Variants in OLA1 observed in about 807,000 individuals in gnomAD.
OLA1 encodes obg-like ATPase 1.
OLA1 carries 14 observed loss-of-function variants against 48.4 expected under a neutral mutation model. The ratio of observed to expected loss-of-function variants is 0.29; its 90% CI spans 0.19 to 0.45. The LOEUF is 0.45. OLA1 is among the 20% of genes least tolerant of loss of function. The pLI, the probability that OLA1 is intolerant of heterozygous loss-of-function variation, is 1.00. For synonymous variants in OLA1, 127 were observed against 150.4 expected (o/e 0.84, Z 1.14); for missense variants, 325 against 467.1 (o/e 0.70, Z 2.80).
intron 4 of OLA1, among the ~76,000 whole-genome samples, chr2:174,164,888 T>G (rs998988760): frequency 2.0e-5 from 3 of 152,198 alleles, no homozygotes; most frequent in Non-Finnish European, 2.9e-5. Context: ...TTGCAAGACT[T>G]GAACAAAGTC....
At chr2:174,225,815 A>C (rs1688603749) in intron 3 of OLA1, among the ~76,000 whole-genome samples, 1 of 152,144 alleles carries the variant, frequency 6.6e-6, no homozygotes, top group Middle Eastern at 3.2e-3. Flanking sequence ...TGAACAAATT[A>C]TTTCATCTTT....
chr2:174,083,719 C>T (rs1323042247), intron 7 of OLA1, among the ~76,000 whole-genome samples: 1 of 152,074 alleles, frequency 6.6e-6, no homozygotes. Context: ...GGTTTAGTAA[C>T]TTACTTTCAT....
chr2:174,143,227 C>A (rs1372140257), intron 4 of OLA1, among the ~76,000 whole-genome samples: 2 of 152,014 alleles, frequency 1.3e-5, no homozygotes, highest in Non-Finnish European at 2.9e-5. Context: ...TTTTTGCATA[C>A]AAATAATATA....
chr2:174,112,267 C>T (rs543848528), intron 7 of OLA1, among the ~76,000 whole-genome samples: 3 of 152,224 alleles, frequency 2.0e-5, no homozygotes, highest in South Asian at 4.1e-4. Flanking sequence ...AATTGGATGT[C>T]GGCACCACTG....
At chr2:174,236,076 T>C (rs1473746423) in intron 2 of OLA1, among the ~76,000 whole-genome samples, 1 of 151,644 alleles carries the variant, frequency 6.6e-6, no homozygotes, top group Non-Finnish European at 1.5e-5. Flanking sequence ...CATACCGAGG[T>C]CCAACACTCT....
intron 4 of OLA1, among the ~76,000 whole-genome samples, chr2:174,186,455 A>C (rs1687657090): frequency 6.6e-6 from 1 of 152,214 alleles, no homozygotes; most frequent in Admixed American, 6.5e-5. Context: ...GTCAAAATGC[A>C]AGTGCACAGC....
intron 4 of OLA1, among the ~76,000 whole-genome samples, chr2:174,157,811 C>T (rs1225581595): frequency 6.6e-6 from 1 of 152,058 alleles, no homozygotes; most frequent in African/African-American, 2.4e-5. Flanking sequence ...CCACATTACA[C>T]AATAGAGATC....
intron 4 of OLA1, among the ~76,000 whole-genome samples, chr2:174,186,877 T>C (rs1029105320): frequency 6.6e-6 from 1 of 152,112 alleles, no homozygotes; most frequent in Non-Finnish European, 1.5e-5. Context: ...ATGTCCACCA[T>C]ATAAGACATG....
chr2:174,185,783 C>G (rs1321014013), intron 4 of OLA1, among the ~76,000 whole-genome samples: 1 of 152,000 alleles, frequency 6.6e-6, no homozygotes, highest in East Asian at 1.9e-4. Flanking sequence ...CAAAAATTAG[C>G]CAGGTGTGGT....
chr2:174,080,826 T>TCA (rs1461444946), intron 9 of OLA1: 2 of 200,434 alleles, frequency 1.0e-5, no homozygotes, highest in African/African-American at 4.7e-5. Context: ...AACATCAATT[T>TCA]CACTGCAGAC....
chr2:174,247,014 T>G (rs1401671551), intron 1 of OLA1, 199 bp from the exon 2 acceptor site: 7 of 376,216 alleles, frequency 1.9e-5, no homozygotes, highest in Non-Finnish European at 3.4e-5. Flanking sequence ...ACATATCCGT[T>G]GTCAAAAGAG....
chr2:174,182,704 T>TA (rs1369833655), intron 4 of OLA1, among the ~76,000 whole-genome samples: 3 of 152,052 alleles, frequency 2.0e-5, no homozygotes, highest in African/African-American at 4.8e-5. Context: ...TTCTCCCAAA[T>TA]AAAAAAACCC....
chr2:174,095,568 A>G (rs2105349134), intron 7 of OLA1, among the ~76,000 whole-genome samples: 1 of 152,086 alleles, frequency 6.6e-6, no homozygotes, highest in East Asian at 1.9e-4. Flanking sequence ...TGGTTAATTG[A>G]TTTTTGACAA....
At chr2:174,094,855 A>T (rs67712092) in intron 7 of OLA1, among the ~76,000 whole-genome samples, 1 of 152,058 alleles carries the variant, frequency 6.6e-6, no homozygotes, top group East Asian at 1.9e-4. Flanking sequence ...TGTTTTTATG[A>T]GTTTGACTAC....
intron 4 of OLA1, among the ~76,000 whole-genome samples, chr2:174,197,984 AGATGGAGTCTT>A (rs1687915483): frequency 6.6e-6 from 1 of 152,198 alleles, no homozygotes; most frequent in Non-Finnish European, 1.5e-5. Flanking sequence ...TTTTGTTTTG[AGATGGAGTCTT>A]GCTCTGTCGC....
chr2:174,110,529 C>G (rs1429507223), intron 7 of OLA1, among the ~76,000 whole-genome samples: 1 of 151,866 alleles, frequency 6.6e-6, no homozygotes, highest in Non-Finnish European at 1.5e-5. Context: ...ACTGCAGCCT[C>G]GAATTCCTGG....
At chr2:174,242,363 G>T (rs1399532040) in intron 2 of OLA1, among the ~76,000 whole-genome samples, 15 of 152,200 alleles carry the variant, frequency 9.9e-5, no homozygotes, top group African/African-American at 9.7e-5. Flanking sequence ...TCTGAGAATC[G>T]AATGCTGCTG....
At chr2:174,182,291 G>A (rs917645431) in intron 4 of OLA1, among the ~76,000 whole-genome samples, 2 of 152,154 alleles carry the variant, frequency 1.3e-5, no homozygotes, top group African/African-American at 4.8e-5. Context: ...TTGGGAGGCC[G>A]AGGTGGGCGG....
chr2:174,177,194 A>G (rs1015173197), intron 4 of OLA1, among the ~76,000 whole-genome samples: 1 of 152,176 alleles, frequency 6.6e-6, no homozygotes, highest in African/African-American at 2.4e-5. Context: ...CAGTAATTCT[A>G]TGATCATCAA....
Sources: allele counts gnomAD v4.1 joint callset (sites outside exome capture counted in the v4.1 genomes callset), GRCh38; gene constraint gnomAD v4.1.1; transcripts MANE v1.5; gene names NCBI Gene and HGNC (gene_info 2026-07-23, HGNC 2026-07-21).